ASIC2: variants seen among roughly 807,000 people sequenced by gnomAD.
ASIC2 encodes acid sensing ion channel subunit 2.
In ASIC2, 25 loss-of-function variants were observed where a neutral mutation model predicts 57.3. That is an observed-to-expected ratio of 0.44 (90% CI 0.32 to 0.61). The LOEUF (loss-of-function observed/expected upper bound fraction) is 0.61, where lower values mean the gene tolerates loss of function less well. Among genes scored for constraint, ASIC2 ranks in the 20% least tolerant of loss-of-function variants. The probability of loss-of-function intolerance (pLI) is 0.06; values close to 1 mark genes in which losing one functional copy is unlikely to be tolerated. For synonymous variants in ASIC2, 319 were observed against 307.5 expected (o/e 1.04, Z -0.39); for missense variants, 641 against 738.1 (o/e 0.87, Z 1.52).
At chr17:33,404,919 C>T (rs1030486608) in intron 1 of ASIC2, among the ~76,000 whole-genome samples, 1 of 151,932 alleles carries the variant, frequency 6.6e-6, no homozygotes, top group South Asian at 2.1e-4. Context: ...AATTTAGTAC[C>T]AAGAAAAAAT....
intron 1 of ASIC2, among the ~76,000 whole-genome samples, chr17:33,481,122 G>C (rs1913390611): frequency 6.6e-6 from 1 of 152,090 alleles, no homozygotes; most frequent in Non-Finnish European, 1.5e-5. Context: ...ACAATTCATT[G>C]AACACCTTTC....
intron 1 of ASIC2, among the ~76,000 whole-genome samples, chr17:33,585,573 C>T (rs778437910): frequency 6.6e-6 from 1 of 152,236 alleles, no homozygotes. Flanking sequence ...GAGTGAGGCA[C>T]CTGCACTGGG....
chr17:33,634,083 C>T (rs187788496), intron 1 of ASIC2, among the ~76,000 whole-genome samples: 32 of 152,296 alleles, frequency 2.1e-4, no homozygotes, highest in African/African-American at 6.7e-4. Flanking sequence ...TGCAACAGGC[C>T]CCCAAGAGTT....
intron 1 of ASIC2, among the ~76,000 whole-genome samples, chr17:34,093,459 T>C (rs1411180919): frequency 1.3e-5 from 2 of 152,252 alleles, no homozygotes; most frequent in African/African-American, 2.4e-5. Flanking sequence ...CAAAGTCCTA[T>C]GTGACTTGCC....
At chr17:33,060,354 G>C (rs1319977595) in intron 3 of ASIC2, among the ~76,000 whole-genome samples, 1 of 152,168 alleles carries the variant, frequency 6.6e-6, no homozygotes, top group East Asian at 1.9e-4. Context: ...TGTAAGGAAG[G>C]GATCCAGTTT....
At chr17:33,752,369 G>A (rs2701492) in intron 1 of ASIC2, among the ~76,000 whole-genome samples, 59,728 of 151,294 alleles carry the variant, frequency 0.39, 12,563 homozygotes, top group Non-Finnish European at 0.49. Flanking sequence ...CACTCTGAAC[G>A]CTTTCATTAG....
At chr17:33,850,294 A>C (rs1009502936) in intron 1 of ASIC2, among the ~76,000 whole-genome samples, 1 of 152,232 alleles carries the variant, frequency 6.6e-6, no homozygotes, top group African/African-American at 2.4e-5. Flanking sequence ...TGCAACAGTC[A>C]AAAATAAAAT....
chr17:33,834,252 G>C (rs980716147), intron 1 of ASIC2: 1 of 152,252 alleles, frequency 6.6e-6, no homozygotes, highest in Non-Finnish European at 1.5e-5. Flanking sequence ...TCTAGGTAGG[G>C]GGAACTTCAT....
chr17:33,192,302 G>A (rs1436062229), intron 1 of ASIC2, among the ~76,000 whole-genome samples: 1 of 152,088 alleles, frequency 6.6e-6, no homozygotes, highest in Non-Finnish European at 1.5e-5. Context: ...AGAATTGCTT[G>A]AACCCAGGAG....
chr17:33,716,647 C>T (rs1909229972), intron 1 of ASIC2, among the ~76,000 whole-genome samples: 1 of 152,238 alleles, frequency 6.6e-6, no homozygotes, highest in African/African-American at 2.4e-5. Context: ...CCTCGACACA[C>T]ACACTCAGAA....
intron 1 of ASIC2, among the ~76,000 whole-genome samples, chr17:33,911,019 G>A (rs564461523): frequency 6.6e-6 from 1 of 152,278 alleles, no homozygotes; most frequent in East Asian, 1.9e-4. Context: ...TGGCTTCCTC[G>A]GTTACAGCTC....
At chr17:33,123,216 A>C (rs61013592) in intron 1 of ASIC2, among the ~76,000 whole-genome samples, 34,816 of 152,184 alleles carry the variant, frequency 0.23, 4,265 homozygotes, top group East Asian at 0.43. Flanking sequence ...CACTATTTAC[A>C]ATAGCCAAGA....
intron 1 of ASIC2, among the ~76,000 whole-genome samples, chr17:33,216,197 G>T (rs1489707182): frequency 5.9e-5 from 9 of 152,146 alleles, no homozygotes; most frequent in Admixed American, 1.3e-4. Flanking sequence ...AGTAGTTTCA[G>T]TTTCTCTGTC....
intron 1 of ASIC2, among the ~76,000 whole-genome samples, chr17:33,246,228 TG>T (rs1467823115): frequency 6.9e-6 from 1 of 145,748 alleles, no homozygotes; most frequent in East Asian, 2.1e-4. Context: ...GATGTGGTGG[TG>T]GGGGGAAGGG....
At chr17:33,207,632 C>T (rs980307344) in intron 1 of ASIC2, among the ~76,000 whole-genome samples, 4 of 152,182 alleles carry the variant, frequency 2.6e-5, no homozygotes, top group Non-Finnish European at 5.9e-5. Flanking sequence ...CTGCCCATAC[C>T]GCCTTGGACT....
intron 1 of ASIC2, among the ~76,000 whole-genome samples, chr17:33,866,903 G>A (rs1914251703): frequency 6.6e-6 from 1 of 152,224 alleles, no homozygotes; most frequent in Non-Finnish European, 1.5e-5. Context: ...TAGACTTAAA[G>A]AAGCTCATTC....
intron 1 of ASIC2, among the ~76,000 whole-genome samples, chr17:33,311,572 G>C (rs1034952675): frequency 6.6e-6 from 1 of 152,120 alleles, no homozygotes; most frequent in Non-Finnish European, 1.5e-5. Context: ...TCATGTACCT[G>C]TTTGCTCTGC....
intron 1 of ASIC2, among the ~76,000 whole-genome samples, chr17:33,199,564 T>C (rs1282750044): frequency 1.3e-5 from 2 of 152,182 alleles, no homozygotes; most frequent in African/African-American, 4.8e-5. Context: ...CTTGGGGAGT[T>C]AAAGAAGTGA....
At chr17:33,699,609 T>C (rs774393041) in intron 1 of ASIC2, among the ~76,000 whole-genome samples, 14 of 152,190 alleles carry the variant, frequency 9.2e-5, no homozygotes, top group Admixed American at 1.3e-4. Flanking sequence ...CTCATCTACA[T>C]GTCTCCCTCT....
Sources: allele counts gnomAD v4.1 joint callset (sites outside exome capture counted in the v4.1 genomes callset), GRCh38; gene constraint gnomAD v4.1.1; transcripts MANE v1.5; gene names NCBI Gene and HGNC (gene_info 2026-07-23, HGNC 2026-07-21).